AHI1: variants seen among roughly 807,000 people sequenced by gnomAD.
AHI1 encodes the protein jouberin.
In AHI1, 123 loss-of-function variants were observed where a neutral mutation model predicts 149.3. The ratio of observed to expected loss-of-function variants is 0.82; its 90% CI spans 0.71 to 0.96. The LOEUF is 0.96. Ranked by LOEUF, AHI1 falls within the 40% of genes least tolerant of loss-of-function variation. The probability of loss-of-function intolerance (pLI) is 0.00; values close to 1 mark genes in which losing one functional copy is unlikely to be tolerated. For missense variants in AHI1, 1,439 were observed against 1,422.7 expected (o/e 1.01, Z -0.18); for synonymous variants, 475 against 459.8 (o/e 1.03, Z -0.42).
At chr6:135,415,083 G>C (rs1011644760) in intron 20 of AHI1, among the ~76,000 whole-genome samples, 1 of 150,320 alleles carries the variant, frequency 6.7e-6, no homozygotes, top group Non-Finnish European at 1.5e-5. Context: ...TTGTCCTTGC[G>C]ATAGTTTGCT....
intron 24 of AHI1, among the ~76,000 whole-genome samples, chr6:135,328,726 T>C (rs1247032523): frequency 6.6e-6 from 1 of 152,018 alleles, no homozygotes; most frequent in Admixed American, 6.6e-5. Context: ...AATAAAAAAC[T>C]AGAAATGATT....
Position 135,285,568 on chromosome 6 carries a change from C to T in AHI1, c.*77G>A, listed in dbSNP as rs1451575170. The T allele has an allele frequency of 2.0e-6, 3 of 1,483,254 alleles. No homozygotes were observed. The highest frequency in any genetic ancestry group is 2.8e-6 in the Non-Finnish European group (3 of 1,071,440). 91.9% of individuals were successfully genotyped at this position (1,483,254 alleles called of 1,614,324 possible). On this transcript the variant is annotated 3_prime_UTR_variant, in exon 29 of 29. Transcript: ENST00000265602. Reference sequence around the variant, plus strand: ...CTCCTTAGTATCTGAAAATTCTGAACTCTGAAGAGAAATTCCATTTGGTTT... The same window carrying T: ...CTCCTTAGTATCTGAAAATTCTGAATTCTGAAGAGAAATTCCATTTGGTTT...
chr6:135,450,948 G>A (rs997222172), intron 11 of AHI1, among the ~76,000 whole-genome samples: 5 of 151,828 alleles, frequency 3.3e-5, no homozygotes, highest in South Asian at 2.1e-4. Flanking sequence ...GACATCCCTC[G>A]TACCAACAGG....
chr6:135,290,444 G>C lies in AHI1; in HGVS notation c.3567C>G (p.Gly1189=). The C allele has an allele frequency of 6.2e-7, 1 of 1,603,998 alleles. No individual in the cohort carries two copies. The highest frequency in any genetic ancestry group is 8.5e-7 in the Non-Finnish European group (1 of 1,170,886). Reference sequence around the variant, plus strand: ...TTACCTCTATTAGAGTGACTTTTCTGCCTGCTTGCTTGTTCTTCCTCATCC... The same window carrying C: ...TTACCTCTATTAGAGTGACTTTTCTCCCTGCTTGCTTGTTCTTCCTCATCC... ...DTRMRKNKQA[G]RKVTLIE Residue 1189 remains glycine (G), a synonymous_variant, in exon 28 of 29, where the codon GGC becomes GGG. Transcript: ENST00000265602.
chr6:135,494,122 T>C (rs1795642635), intron 3 of AHI1, among the ~76,000 whole-genome samples: 1 of 152,216 alleles, frequency 6.6e-6, no homozygotes, highest in South Asian at 2.1e-4. Context: ...AGTAGATTAG[T>C]AGTATCATTA....
At chr6:135,494,704 T>C (rs1024513346) in intron 3 of AHI1, among the ~76,000 whole-genome samples, 2 of 152,076 alleles carry the variant, frequency 1.3e-5, no homozygotes, top group Admixed American at 6.6e-5. Flanking sequence ...AGGGAGACAA[T>C]AGGCTGAAGA....
At chr6:135,337,537 T>C (rs1006407060) in intron 24 of AHI1, among the ~76,000 whole-genome samples, 2 of 151,558 alleles carry the variant, frequency 1.3e-5, no homozygotes, top group Admixed American at 6.6e-5. Flanking sequence ...GGAGGGAGGA[T>C]CACCTGAGCC....
intron 26 of AHI1, chr6:135,305,214 C>T (rs946966886): frequency 1.3e-5 from 2 of 152,276 alleles, no homozygotes; most frequent in East Asian, 1.9e-4. Context: ...CTTAAGTCCC[C>T]GTCTTCTACC....
chr6:135,428,870 A>G, intron 18 of AHI1, 111 bp from the exon 19 acceptor site: 2 of 976,206 alleles, frequency 2.0e-6, no homozygotes, highest in Non-Finnish European at 2.9e-6. Context: ...ACATTTTTTG[A>G]GAATCTGCCA....
At chr6:135,338,208 G>A (rs896958839) in intron 24 of AHI1, among the ~76,000 whole-genome samples, 7 of 151,030 alleles carry the variant, frequency 4.6e-5, no homozygotes, top group Admixed American at 4.0e-4. Context: ...GCTGAGGCAG[G>A]AGAATCACTT....
At position 135,446,975 on chromosome 6, in the gene AHI1, TCTAAATAAATCCA is replaced by T; in HGVS notation, c.1779+20_1779+32del. The T allele has an allele frequency of 6.3e-7, 1 of 1,584,026 alleles. No individual in the cohort carries two copies. Among genetic ancestry groups the T allele is most frequent in the Non-Finnish European group, 8.6e-7 (1 of 1,165,868 alleles). ...GAGTTTTTAAGGTAATAAGTAAACA[TCTAAATAAATCCA>T]CTATTATCAAACACTTCACCTGCCC... is the stretch of plus-strand genomic sequence containing the variant. On this transcript the variant is annotated intron_variant, in intron 13 of 28. Coordinates refer to ENST00000265602, the MANE Select transcript of AHI1 (RefSeq NM_001134831.2).
At chr6:135,289,947 G>A (rs1000450092) in intron 28 of AHI1, among the ~76,000 whole-genome samples, 2 of 151,816 alleles carry the variant, frequency 1.3e-5, no homozygotes, top group Admixed American at 6.6e-5. Flanking sequence ...GGCGTATCTC[G>A]GTGGAAAAAG....
intron 23 of AHI1, among the ~76,000 whole-genome samples, chr6:135,376,511 T>A (rs752190859): frequency 6.7e-4 from 102 of 152,184 alleles, no homozygotes; most frequent in Non-Finnish European, 1.0e-3. Context: ...AGATTTTTTT[T>A]ATAGTATTTT....
chr6:135,380,967 G>GAAGTTATTTTTA (rs1363555152), intron 23 of AHI1, among the ~76,000 whole-genome samples: 2 of 152,060 alleles, frequency 1.3e-5, no homozygotes, highest in African/African-American at 2.4e-5. Flanking sequence ...AAAGCAAAGA[G>GAAGTTATTTTTA]AAGTTATTTT....
intron 24 of AHI1, among the ~76,000 whole-genome samples, chr6:135,336,115 A>T (rs958461464): frequency 1.6e-3 from 240 of 148,120 alleles, no homozygotes; most frequent in African/African-American, 5.9e-3. Context: ...CTCCGTCTAA[A>T]AAAAAAAAAA....
At chr6:135,437,468 T>A (rs1363375916) in intron 15 of AHI1, among the ~76,000 whole-genome samples, 1 of 152,222 alleles carries the variant, frequency 6.6e-6, no homozygotes, top group African/African-American at 2.4e-5. Context: ...AAGAAGGAAG[T>A]CAATTGTTAC....
chr6:135,425,109 G>A (rs1401097568), intron 20 of AHI1, among the ~76,000 whole-genome samples: 2 of 151,894 alleles, frequency 1.3e-5, no homozygotes, highest in African/African-American at 2.4e-5. Context: ...ATAGCAACGA[G>A]TTGGGAAAAT....
chr6:135,324,072 C>T (rs890780543), intron 24 of AHI1, among the ~76,000 whole-genome samples: 1 of 152,168 alleles, frequency 6.6e-6, no homozygotes, highest in Non-Finnish European at 1.5e-5. Context: ...GTAGTCTCAG[C>T]ACTTTGGGAG....
Position 135,431,309 on chromosome 6 carries a change from G to C in AHI1, c.2272C>G (p.His758Asp). Reference sequence around the variant, plus strand: ...CCTGTACAATCTCCTGAATACATATGATGACCTATTTAAAAAAATAAGATC... The same window carrying C: ...CCTGTACAATCTCCTGAATACATATCATGACCTATTTAAAAAAATAAGATC... Reference protein sequence around the residue: ...NSLCFDTEGHHMYSGDCTGVI... With the variant: ...NSLCFDTEGHDMYSGDCTGVI... The change falls in exon 17 of 29, where the codon CAT (histidine) becomes GAT (aspartate). Residue 758 changes from histidine (H) to aspartate (D), a missense_variant. Coordinates refer to ENST00000265602, the MANE Select transcript of AHI1 (RefSeq NM_001134831.2). The C allele has an allele frequency of 6.3e-7, 1 of 1,579,886 alleles. No homozygotes were observed. The highest frequency in any genetic ancestry group is 1.1e-5 in the South Asian group (1 of 86,968).
Sources: allele counts gnomAD v4.1 joint callset (sites outside exome capture counted in the v4.1 genomes callset), GRCh38; gene constraint gnomAD v4.1.1; transcripts MANE v1.5; gene names NCBI Gene and HGNC (gene_info 2026-07-23, HGNC 2026-07-21).